Variants in ZNF839 observed in about 807,000 individuals in gnomAD.
ZNF839 encodes renal carcinoma antigen NY-REN-50.
ZNF839 carries 38 observed loss-of-function variants against 56.4 expected under a neutral mutation model. The observed-to-expected ratio is 0.67, with a 90% CI of 0.52 to 0.88. ZNF839 has a LOEUF of 0.88. Among genes scored for constraint, ZNF839 ranks in the 40% least tolerant of loss-of-function variants. The probability of loss-of-function intolerance (pLI) is 0.00; values close to 1 mark genes in which losing one functional copy is unlikely to be tolerated. For synonymous variants in ZNF839, 486 were observed against 493.5 expected, an observed-to-expected ratio of 0.98 and a Z score of 0.20; for missense variants, 1,091 against 1,177.6, an observed-to-expected ratio of 0.93 and a Z score of 1.08.
At chr14:102,337,941 G>T (rs541373322) in intron 5 of ZNF839, among the ~76,000 whole-genome samples, 1 of 152,286 alleles carries the variant, frequency 6.6e-6, no homozygotes, top group African/African-American at 2.4e-5. Flanking sequence ...GCCTTTCCAG[G>T]TAGCTGTAAC....
chr14:102,326,582 G>C lies in ZNF839; in HGVS notation c.886G>C (p.Glu296Gln). The C allele has an allele frequency of 6.2e-7, 1 of 1,613,930 alleles. No individual in the cohort carries two copies. The highest frequency in any genetic ancestry group is 8.5e-7 in the Non-Finnish European group (1 of 1,179,856). ...LCVEEDEDQR[E>Q]RHALFDLSSC... ...TGTGGAAGAAGATGAAGATCAGAGG[G>C]AGAGGCACGCACTCTTTGACTTATC... The change falls in exon 2 of 8, where the codon GAG becomes CAG. Residue 296 changes from glutamate (E) to glutamine (Q), a missense_variant. Physicochemically the swap from Glu to Gln is conservative, Grantham distance 29 (BLOSUM62 2). Around this residue, in one of 3 missense-constraint regions of ZNF839, gnomAD observed 614 missense variants for 629.2 expected, o/e 0.98. Coordinates refer to ENST00000442396, the MANE Select transcript of ZNF839 (RefSeq NM_018335.6). This position sits in a 1 kb window ranked among gnomAD's most constrained non-coding sequence, Gnocchi z 4.3.
Position 102,332,215 on chromosome 14 carries a change from TCTC to T in ZNF839, c.1416+371_1416+373del, listed in dbSNP as rs1321732766. On this transcript the variant is annotated intron_variant, in intron 3 of 7. Coordinates refer to ENST00000442396, the MANE Select transcript of ZNF839 (RefSeq NM_018335.6). This position sits in a 1 kb window ranked among gnomAD's most constrained non-coding sequence, Gnocchi z 4.9. ...TGGTGCCATCCCGGCTCACTGTGCT[TCTC>T]CACCTCCCAGGTTCAAGCGATTCTC... Among the ~76,000 whole-genome samples the T allele has an allele frequency of 6.6e-6, 1 of 152,060 alleles. No homozygotes were observed. Among genetic ancestry groups the T allele is most frequent in the East Asian group, 1.9e-4 (1 of 5,158 alleles).
At chr14:102,337,694 C>T (rs1038123389) in intron 5 of ZNF839, 1 of 152,116 alleles carries the variant, frequency 6.6e-6, no homozygotes, top group African/African-American at 2.4e-5. Flanking sequence ...GGGAGCATGA[C>T]AGTGGCTCCG....
chr14:102,336,879 G>A (rs982689845), intron 5 of ZNF839: 9 of 209,862 alleles, frequency 4.3e-5, no homozygotes, highest in African/African-American at 9.5e-5. Context: ...GACTACCGCC[G>A]TGTGTCACCA....
chr14:102,339,301 G>C, intron 7 of ZNF839, 78 bp downstream of exon 7: 1 of 1,523,062 alleles, frequency 6.6e-7, no homozygotes, highest in Non-Finnish European at 8.8e-7. Context: ...ACCCAGGATT[G>C]CCATTTTTCA....
At chr14:102,336,625 G>T in intron 5 of ZNF839, 1 of 433,958 alleles carries the variant, frequency 2.3e-6, no homozygotes. Flanking sequence ...AGCAATAAAT[G>T]CTCTTCCAGA....
At chr14:102,336,560 G>C in intron 5 of ZNF839, 1 of 391,138 alleles carries the variant, frequency 2.6e-6, no homozygotes, top group Non-Finnish European at 4.9e-6. Context: ...CTCCCAAAGT[G>C]CTAGGATTAC....
chr14:102,335,406 C>T (rs1200399520), intron 4 of ZNF839: 1 of 336,764 alleles, frequency 3.0e-6, no homozygotes, highest in Non-Finnish European at 5.5e-6. Context: ...GGGCTCAGGG[C>T]CTTTCTGCCT....
intron 1 of ZNF839, among the ~76,000 whole-genome samples, chr14:102,322,547 A>G (rs2073185643): frequency 6.6e-6 from 1 of 152,182 alleles, no homozygotes; most frequent in African/African-American, 2.4e-5. Context: ...AGTAGGGTTT[A>G]GTGTATGTAT....
In ZNF839 at chr14:102,326,359, A is replaced by G. The variant is rs2073409053; in HGVS notation, c.663A>G (p.Ser221=). The G allele has an allele frequency of 5.6e-6, 9 of 1,610,298 alleles. No homozygotes were observed. The highest frequency in any genetic ancestry group is 1.3e-5 in the African/African-American group (1 of 74,982). ...ASDPLAVTSL[S]SSSAHPFISN... Reference sequence around the variant, plus strand: ...ACCCGCTGGCAGTAACATCTCTTTCATCCAGTTCAGCACATCCATTTATTT... The same window carrying G: ...ACCCGCTGGCAGTAACATCTCTTTCGTCCAGTTCAGCACATCCATTTATTT... Residue 221 remains serine, a synonymous_variant, in exon 2 of 8, where the codon TCA becomes TCG. Transcript: ENST00000442396. This position sits in a 1 kb window ranked among gnomAD's most constrained non-coding sequence, Gnocchi z 4.3.
Position 102,322,735 on chromosome 14 carries a change from A to T in ZNF839, c.288+2682A>T, listed in dbSNP as rs115496765. On this transcript the variant is annotated intron_variant, in intron 1 of 7. Transcript: ENST00000442396. ...ATGCACCATCATGCCTGGCTAATTT[A>T]AAAATGTTTTGTAGAGACAGGGTCC... Among the ~76,000 whole-genome samples the T allele has an allele frequency of 3.8e-3, 571 of 152,108 alleles. 6 individuals carry two copies. Among genetic ancestry groups the T allele is most frequent in the African/African-American group, 0.013 (532 of 41,500 alleles).
At chr14:102,335,529 CG>C in intron 4 of ZNF839, 159 bp from the exon 5 acceptor site, 1 of 683,178 alleles carries the variant, frequency 1.5e-6, no homozygotes, top group Non-Finnish European at 2.4e-6. Context: ...CTGCACCATG[CG>C]GGGCACACAG....
At position 102,326,483 on chromosome 14, in the gene ZNF839, G is replaced by T. The variant is rs1198660004; in HGVS notation, c.787G>T (p.Asp263Tyr). 1 of 1,613,864 alleles carries T rather than the reference G, an allele frequency of 6.2e-7. No individual in the cohort carries two copies. The highest frequency in any genetic ancestry group is 8.5e-7 in the Non-Finnish European group (1 of 1,179,904). The change falls in exon 2 of 8, where the codon GAT becomes TAT. Residue 263 changes from aspartate (D) to tyrosine (Y), a missense_variant. Transcript: ENST00000442396. The surrounding 1 kb of genome is among the most constrained non-coding windows in gnomAD (Gnocchi z 4.3). ...VSRPPKYKAK[D>Y]YKFIKTEDLA... ...TCGACCTCCCAAATATAAAGCTAAA[G>T]ATTATAAGTTCATAAAAACAGAGGA...
Position 102,341,436 on chromosome 14 carries a change from C to T in ZNF839, c.2041C>T (p.Leu681=), listed in dbSNP as rs1440428409. The T allele has an allele frequency of 1.3e-6, 2 of 1,594,034 alleles. No individual in the cohort carries two copies. The highest frequency in any genetic ancestry group is 2.2e-5 in the East Asian group (1 of 44,632). ...CCAGGCGGGCCCGCAGCTTCAGGCA[C>T]TGGCTAACTTAGAAGCCAGGAGGGG... ...VFQAGPQLQA[L]ANLEARRGSI... Residue 681 remains leucine (L), a synonymous_variant, in exon 8 of 8, where the codon CTG becomes TTG. Transcript: ENST00000442396.
Position 102,326,672 on chromosome 14 carries a change from G to A in ZNF839, c.976G>A (p.Gly326Arg), listed in dbSNP as rs201365142. 35 of 1,612,556 alleles carry A rather than the reference G, an allele frequency of 2.2e-5. No individual in the cohort carries two copies. Among genetic ancestry groups the A allele is most frequent in the Admixed American group, 1.2e-4 (7 of 59,730 alleles). ...TTGTGAAAAGTCATATATAGGGAAG[G>A]GGGGACTGGCCCGACATTTTAAACT... ...QTCEKSYIGKGGLARHFKLNP... is the reference protein window; with the variant it reads ...QTCEKSYIGKRGLARHFKLNP... Residue 326 changes from glycine to arginine, a missense_variant, in exon 2 of 8, where the codon GGG becomes AGG. Physicochemically the swap from Gly to Arg is moderately radical, Grantham distance 125. This residue lies in a region of ZNF839 where 614 missense variants were observed against 629.2 expected (regional missense o/e 0.98). Coordinates refer to ENST00000442396, the MANE Select transcript of ZNF839 (RefSeq NM_018335.6). The surrounding 1 kb of genome is among the most constrained non-coding windows in gnomAD (Gnocchi z 4.3).
In ZNF839 at chr14:102,341,385, G is replaced by A; in HGVS notation, c.1990G>A (p.Val664Ile). Reference sequence around the variant, plus strand: ...TTCTGAAGAAAGCCATACAACGACGGTTTCTGGTGGCAATGGGAGCGTGTT... The same window carrying A: ...TTCTGAAGAAAGCCATACAACGACGATTTCTGGTGGCAATGGGAGCGTGTT... Reference protein sequence around the residue: ...PRSEESHTTTVSGGNGSVFQA... With the variant: ...PRSEESHTTTISGGNGSVFQA... Residue 664 changes from valine (V) to isoleucine (I), a missense_variant, in exon 8 of 8, where the codon GTT becomes ATT. Coordinates refer to ENST00000442396, the MANE Select transcript of ZNF839 (RefSeq NM_018335.6). 2 of 1,552,490 alleles carry A rather than the reference G, an allele frequency of 1.3e-6. No homozygotes were observed. The highest frequency in any genetic ancestry group is 2.3e-5 in the East Asian group (1 of 44,338).
Position 102,335,685 on chromosome 14 carries a change from G to A in ZNF839, c.1510-4G>A, listed in dbSNP as rs780317610. On this transcript the variant is annotated splice_polypyrimidine_tract_variant and splice_region_variant and intron_variant, in intron 4 of 7. Coordinates refer to ENST00000442396, the MANE Select transcript of ZNF839 (RefSeq NM_018335.6). ...CTTTTTTTTTGGTCTTTATCTTCAC[G>A]AAGGTTGAAAAAGATCATCTAGCAA... 3.5e-5 allele frequency: 55 copies of A among 1,587,938 alleles called. No homozygotes were observed. Among genetic ancestry groups the A allele is most frequent in the Non-Finnish European group, 4.3e-5 (51 of 1,175,688 alleles).
chr14:102,322,575 T>A (rs901772812), intron 1 of ZNF839, among the ~76,000 whole-genome samples: 1 of 152,194 alleles, frequency 6.6e-6, no homozygotes, highest in Non-Finnish European at 1.5e-5. Flanking sequence ...TATTATGTTT[T>A]TGTTTTGGGG....
chr14:102,326,093 CT>C lies in ZNF839; in HGVS notation c.398del (p.Leu133ArgfsTer25). ...GCCCCAAACTGCAAGAAAGAGCCAG[CT>C]GCCCCGGGGGAATTCCTGCCTGGTG... is the stretch of plus-strand genomic sequence containing the variant. Reference protein sequence around the residue: ...IQPQTARKSQLPRGNSCLVGL... With the variant: ...IQPQTARKSQXPRGNSCLVGL... On this transcript the variant is annotated frameshift_variant, in exon 2 of 8. Transcript: ENST00000442396. LOFTEE classifies it high-confidence loss of function. This position sits in a 1 kb window ranked among gnomAD's most constrained non-coding sequence, Gnocchi z 4.3. 1 of 1,613,972 alleles carries C rather than the reference CT, an allele frequency of 6.2e-7. No individual in the cohort carries two copies. The highest frequency in any genetic ancestry group is 8.5e-7 in the Non-Finnish European group (1 of 1,179,870).
Sources: allele counts gnomAD v4.1 joint callset (sites outside exome capture counted in the v4.1 genomes callset), GRCh38; gene constraint gnomAD v4.1.1; regional missense constraint gnomAD v4.1.1; non-coding constraint Gnocchi (gnomAD v3.1); transcripts MANE v1.5; gene names NCBI Gene and HGNC (gene_info 2026-07-23, HGNC 2026-07-21).